LPGAT1: variants seen among roughly 807,000 people sequenced by gnomAD.
The protein encoded by LPGAT1 is lysophosphatidylglycerol acyltransferase 1.
A neutral mutation model predicts 47.5 loss-of-function variants in LPGAT1; 11 were observed. The ratio of observed to expected loss-of-function variants is 0.23; its 90% confidence interval spans 0.15 to 0.38. The LOEUF is 0.38. Ranked by LOEUF, LPGAT1 falls within the 10% of genes least tolerant of loss-of-function variation. The pLI, the probability that LPGAT1 is intolerant of heterozygous loss-of-function variation, is 1.00. For missense variants in LPGAT1, 293 were observed against 439.0 expected (o/e 0.67, Z 2.97); for synonymous variants, 138 against 144.2 (o/e 0.96, Z 0.31).
In LPGAT1 at chr1:211,803,377, T is replaced by C. The variant is rs577116936; in HGVS notation, c.239-10187A>G. ...TTTTCAGGATGATAGGGAAGGAAGA[T>C]AATCAGGATGTCGGCTGTATACCAG... On this transcript the variant is annotated intron_variant, in intron 2 of 7. Coordinates refer to ENST00000366997, the MANE Select transcript of LPGAT1 (RefSeq NM_014873.3). 3.6e-4 allele frequency among the ~76,000 whole-genome samples: 55 copies of C among 152,302 alleles called. No homozygotes were observed. The South Asian group carries it at 0.011, about 32-fold the overall frequency.
chr1:211,784,928 C>T (rs577238605), intron 4 of LPGAT1, among the ~76,000 whole-genome samples: 3 of 151,836 alleles, frequency 2.0e-5, no homozygotes, highest in African/African-American at 4.8e-5. Context: ...CTCAGCCTCC[C>T]GAGTAGCTGG....
chr1:211,760,350 G>A (rs935339018), intron 6 of LPGAT1, among the ~76,000 whole-genome samples: 3 of 152,214 alleles, frequency 2.0e-5, no homozygotes, highest in Admixed American at 6.5e-5. Flanking sequence ...AGCAACTCGG[G>A]AGGCTGAGGC....
chr1:211,777,889 A>G (rs1431610703), intron 6 of LPGAT1, among the ~76,000 whole-genome samples: 1 of 152,222 alleles, frequency 6.6e-6, no homozygotes, highest in Non-Finnish European at 1.5e-5. Context: ...GACCTTGCTA[A>G]TAAAATAGGT....
At chr1:211,763,319 T>C (rs1319028229) in intron 6 of LPGAT1, among the ~76,000 whole-genome samples, 2 of 152,194 alleles carry the variant, frequency 1.3e-5, no homozygotes, top group African/African-American at 4.8e-5. Context: ...GAGTTATCAA[T>C]GGAGTAGGTT....
intron 6 of LPGAT1, among the ~76,000 whole-genome samples, chr1:211,756,168 G>A (rs560254408): frequency 1.3e-5 from 2 of 152,048 alleles, no homozygotes; most frequent in Non-Finnish European, 2.9e-5. Context: ...CCCAGGAGGT[G>A]GAGGTTGCAG....
intron 2 of LPGAT1, among the ~76,000 whole-genome samples, chr1:211,801,776 AAGAAG>A (rs995236549): frequency 4.0e-4 from 60 of 150,956 alleles, no homozygotes; most frequent in Non-Finnish European, 6.2e-4. Context: ...GGGAAAAGAA[AAGAAG>A]AGAAGAGAAA....
chr1:211,826,465 C>G (rs1400849033), intron 2 of LPGAT1, among the ~76,000 whole-genome samples: 2 of 152,170 alleles, frequency 1.3e-5, no homozygotes, highest in East Asian at 3.8e-4. Flanking sequence ...CCACCTAGTA[C>G]TGAGCACTTG....
chr1:211,829,493 G>T, intron 1 of LPGAT1, 170 bp from the exon 2 acceptor site: 5 of 1,431,990 alleles, frequency 3.5e-6, no homozygotes, highest in Non-Finnish European at 4.6e-6. Context: ...GACAGAGAGC[G>T]AGGGAGGAGG....
intron 2 of LPGAT1, among the ~76,000 whole-genome samples, chr1:211,803,733 A>C (rs895622432): frequency 6.6e-6 from 1 of 151,776 alleles, no homozygotes; most frequent in Non-Finnish European, 1.5e-5. Flanking sequence ...AATACAAACT[A>C]GAAAATGTAT....
At chr1:211,755,930 T>TC (rs2102492831) in intron 6 of LPGAT1, among the ~76,000 whole-genome samples, 1 of 152,262 alleles carries the variant, frequency 6.6e-6, no homozygotes, top group Admixed American at 6.5e-5. Flanking sequence ...TCCAGAAACT[T>TC]CAAGTTTCAG....
chr1:211,784,490 C>CAAAAAAAA (rs373021672), intron 4 of LPGAT1, among the ~76,000 whole-genome samples: 1 of 112,538 alleles, frequency 8.9e-6, no homozygotes. Context: ...GACCCTGTCT[C>CAAAAAAAA]AAAAAAAAAA....
intron 2 of LPGAT1, among the ~76,000 whole-genome samples, chr1:211,822,597 T>A (rs948265546): frequency 3.3e-5 from 5 of 151,844 alleles, no homozygotes; most frequent in African/African-American, 4.8e-5. Context: ...GCAAACATGG[T>A]GAAACCCCAT....
At chr1:211,784,266 A>G (rs1392798417) in intron 4 of LPGAT1, among the ~76,000 whole-genome samples, 1 of 152,140 alleles carries the variant, frequency 6.6e-6, no homozygotes, top group Non-Finnish European at 1.5e-5. Context: ...GAAGTGTTAT[A>G]ATCTTATTTC....
intron 5 of LPGAT1, among the ~76,000 whole-genome samples, chr1:211,782,467 C>T (rs1658681753): frequency 6.6e-6 from 1 of 152,144 alleles, no homozygotes; most frequent in South Asian, 2.1e-4. Flanking sequence ...GACATGGTGG[C>T]TTACACCTAT....
chr1:211,785,097 C>CTGG (rs1558267653), intron 4 of LPGAT1, among the ~76,000 whole-genome samples: 1 of 152,066 alleles, frequency 6.6e-6, no homozygotes, highest in Non-Finnish European at 1.5e-5. Context: ...GCCACTGCGC[C>CTGG]CAGCCGGTTC....
In LPGAT1 at chr1:211,806,191, C is replaced by T. The variant is rs564499761; in HGVS notation, c.239-13001G>A. Among the ~76,000 whole-genome samples the T allele has an allele frequency of 9.3e-5, 14 of 150,154 alleles. No homozygotes were observed. The South Asian group carries it at 2.9e-3, about 31-fold the overall frequency. ...ACAAGAATTGCTTGAACCCAGGAGGCAGAGGTTGCAGTGAGCCGAGATTGA... is the reference window on the plus strand; with the variant it reads ...ACAAGAATTGCTTGAACCCAGGAGGTAGAGGTTGCAGTGAGCCGAGATTGA... On this transcript the variant is annotated intron_variant, in intron 2 of 7. Transcript: ENST00000366997.
intron 6 of LPGAT1, among the ~76,000 whole-genome samples, chr1:211,763,705 T>C (rs1571702269): frequency 6.6e-6 from 1 of 152,212 alleles, no homozygotes; most frequent in African/African-American, 2.4e-5. Context: ...AACCCCTCTG[T>C]TTCTTTTGCT....
chr1:211,815,614 T>C (rs541727807), intron 2 of LPGAT1, among the ~76,000 whole-genome samples: 25 of 152,220 alleles, frequency 1.6e-4, no homozygotes, highest in African/African-American at 5.5e-4. Context: ...TTCGATGGTT[T>C]CCTCAAGATA....
chr1:211,798,290 T>A (rs371840301), intron 2 of LPGAT1, among the ~76,000 whole-genome samples: 2 of 152,168 alleles, frequency 1.3e-5, no homozygotes, highest in Non-Finnish European at 1.5e-5. Context: ...GACAGTACCA[T>A]AGAGATCCTG....
Sources: allele counts gnomAD v4.1 joint callset (sites outside exome capture counted in the v4.1 genomes callset), GRCh38; gene constraint gnomAD v4.1.1; transcripts MANE v1.5; gene names NCBI Gene and HGNC (gene_info 2026-07-23, HGNC 2026-07-21).